RAD51B: variants seen among roughly 807,000 people sequenced by gnomAD.
The protein encoded by RAD51B is DNA repair protein RAD51 homolog 2.
A neutral mutation model predicts 42.2 loss-of-function variants in RAD51B; 38 were observed. The observed-to-expected ratio is 0.90, with a 90% CI of 0.70 to 1.18. The LOEUF (loss-of-function observed/expected upper bound fraction) is 1.18. Among genes scored for constraint, RAD51B ranks in the 50% most tolerant of loss-of-function variants. The pLI, the probability that RAD51B is intolerant of heterozygous loss-of-function variation, is 0.00. For synonymous variants in RAD51B, 154 were observed against 145.2 expected (o/e 1.06, Z -0.43); for missense variants, 373 against 400.7 (o/e 0.93, Z 0.59).
At chr14:68,172,940 C>A (rs1047804175) in intron 7 of RAD51B, among the ~76,000 whole-genome samples, 2 of 151,758 alleles carry the variant, frequency 1.3e-5, no homozygotes, top group African/African-American at 4.8e-5. Context: ...GTAGGGACAC[C>A]TGGATTACAG....
At chr14:68,450,585 A>G (rs1299333701) in intron 9 of RAD51B, among the ~76,000 whole-genome samples, 1 of 152,012 alleles carries the variant, frequency 6.6e-6, no homozygotes, top group African/African-American at 2.4e-5. Flanking sequence ...GCCCTCGGGG[A>G]GAGACGGAGC....
chr14:68,062,379 G>A (rs923398788), intron 7 of RAD51B, among the ~76,000 whole-genome samples: 7 of 152,130 alleles, frequency 4.6e-5, no homozygotes, highest in African/African-American at 9.7e-5. Flanking sequence ...TCCTTGTCTG[G>A]TTTTGGTATC....
At chr14:68,664,992 T>A (rs1273701246) in intron 11 of RAD51B, among the ~76,000 whole-genome samples, 1 of 152,232 alleles carries the variant, frequency 6.6e-6, no homozygotes, top group Non-Finnish European at 1.5e-5. Flanking sequence ...CTTCTGTCCT[T>A]TCAGCCCCTT....
intron 7 of RAD51B, among the ~76,000 whole-genome samples, chr14:67,889,749 A>G (rs945628730): frequency 9.2e-5 from 14 of 152,062 alleles, no homozygotes; most frequent in African/African-American, 3.1e-4. Flanking sequence ...ATATCACTTG[A>G]TTGAAAACAG....
intron 7 of RAD51B, among the ~76,000 whole-genome samples, chr14:68,209,469 C>G (rs1358576606): frequency 6.6e-6 from 1 of 152,128 alleles, no homozygotes; most frequent in African/African-American, 2.4e-5. Flanking sequence ...AGGAATTGTC[C>G]CTCCCACTAA....
At chr14:68,327,465 T>C (rs947263882) in intron 8 of RAD51B, among the ~76,000 whole-genome samples, 2 of 151,770 alleles carry the variant, frequency 1.3e-5, no homozygotes, top group Non-Finnish European at 2.9e-5. Flanking sequence ...GCCAAGAGTA[T>C]ATTACGCTTG....
chr14:67,841,050 T>G (rs1667176353), intron 4 of RAD51B, among the ~76,000 whole-genome samples: 1 of 152,200 alleles, frequency 6.6e-6, no homozygotes, highest in Admixed American at 6.5e-5. Context: ...TCCGCCCACC[T>G]CAGCCTCCCA....
chr14:68,339,701 T>G (rs2082532791), intron 8 of RAD51B, among the ~76,000 whole-genome samples: 1 of 152,214 alleles, frequency 6.6e-6, no homozygotes, highest in South Asian at 2.1e-4. Flanking sequence ...GCCACTAAGA[T>G]GAACATTGAA....
intron 10 of RAD51B, chr14:68,562,758 T>C (rs182451267): frequency 1.2e-5 from 12 of 985,352 alleles, no homozygotes; most frequent in East Asian, 2.3e-4. Flanking sequence ...CACCAGGGCA[T>C]ATCTAAAAGA....
At chr14:68,414,041 G>C (rs2084486959) in intron 9 of RAD51B, among the ~76,000 whole-genome samples, 1 of 152,058 alleles carries the variant, frequency 6.6e-6, no homozygotes, top group Admixed American at 6.5e-5. Flanking sequence ...TCTACACCAG[G>C]GCTCTTGAAT....
chr14:68,016,305 C>G (rs1423732255), intron 7 of RAD51B, among the ~76,000 whole-genome samples: 1 of 152,018 alleles, frequency 6.6e-6, no homozygotes, highest in East Asian at 1.9e-4. Context: ...TAAAAAGCCC[C>G]CAGTTTGTTC....
chr14:68,681,836 TTTAA>T (rs1893437178), intron 11 of RAD51B, among the ~76,000 whole-genome samples: 1 of 152,240 alleles, frequency 6.6e-6, no homozygotes, highest in Non-Finnish European at 1.5e-5. Flanking sequence ...TGCATACTTC[TTTAA>T]TTGTCAAGAA....
chr14:68,625,675 T>C (rs1443288471), intron 10 of RAD51B, among the ~76,000 whole-genome samples: 1 of 152,196 alleles, frequency 6.6e-6, no homozygotes, highest in East Asian at 1.9e-4. Flanking sequence ...TTCCCACTTC[T>C]GACCCTAGCA....
At chr14:68,679,005 A>T (rs545629192) in intron 11 of RAD51B, among the ~76,000 whole-genome samples, 3 of 131,030 alleles carry the variant, frequency 2.3e-5, no homozygotes, top group Non-Finnish European at 4.8e-5. Flanking sequence ...CCCTGCCCCC[A>T]CCCCCTCAAA....
At chr14:68,011,922 C>T (rs541469075) in intron 7 of RAD51B, among the ~76,000 whole-genome samples, 8 of 152,136 alleles carry the variant, frequency 5.3e-5, no homozygotes, top group African/African-American at 9.6e-5. Flanking sequence ...TGCAAAGCAT[C>T]GACACTAAAG....
chr14:68,389,241 C>T (rs1014758594), intron 8 of RAD51B, among the ~76,000 whole-genome samples: 4 of 152,118 alleles, frequency 2.6e-5, no homozygotes, highest in Non-Finnish European at 2.9e-5. Context: ...ACATTAATAG[C>T]GCCCATGGAA....
At chr14:68,620,729 T>C (rs1891927857) in intron 10 of RAD51B, among the ~76,000 whole-genome samples, 1 of 152,248 alleles carries the variant, frequency 6.6e-6, no homozygotes, top group Non-Finnish European at 1.5e-5. Context: ...TAAAGTTTAT[T>C]TTCCCTATAT....
At chr14:68,244,929 A>G (rs944210319) in intron 7 of RAD51B, among the ~76,000 whole-genome samples, 3 of 152,196 alleles carry the variant, frequency 2.0e-5, no homozygotes, top group African/African-American at 7.2e-5. Flanking sequence ...TAAAGAAAAC[A>G]ATGTCCTAAC....
In RAD51B at chr14:67,954,597, A is replaced by G. The variant is rs536475746; in HGVS notation, c.756+67393A>G. ...TTAAGAAGATAGTTTTAATACTATGATGTGGGTGAACTAATCCAAGAAGTT... is the reference window on the plus strand; with the variant it reads ...TTAAGAAGATAGTTTTAATACTATGGTGTGGGTGAACTAATCCAAGAAGTT... On this transcript the variant is annotated intron_variant, in intron 7 of 10. Transcript: ENST00000471583. Among the ~76,000 whole-genome samples, 3 of 152,306 alleles carry G rather than the reference A, an allele frequency of 2.0e-5. No individual in the cohort carries two copies. The East Asian group carries it at 5.8e-4, about 29-fold the overall frequency.
Sources: allele counts gnomAD v4.1 joint callset (sites outside exome capture counted in the v4.1 genomes callset), GRCh38; gene constraint gnomAD v4.1.1; transcripts MANE v1.5; gene names NCBI Gene and HGNC (gene_info 2026-07-23, HGNC 2026-07-21).